The following ZNF121 variants were observed in gnomAD, a reference collection of about 807,000 sequenced individuals.
The protein encoded by ZNF121 is zinc finger protein 121.
Under a neutral mutation model 2.4 loss-of-function variants are expected in ZNF121, and 1 was observed. The observed-to-expected ratio is 0.41, with a 90% CI of 0.15 to 1.94. ZNF121 has a LOEUF of 1.94. Among genes scored for constraint, ZNF121 ranks in the 30% most tolerant of loss-of-function variants. The probability of loss-of-function intolerance (pLI) is 0.30; values close to 1 mark genes in which losing one functional copy is unlikely to be tolerated. For synonymous variants in ZNF121, 173 were observed against 158.6 expected, an observed-to-expected ratio of 1.09 and a Z score of -0.68; for missense variants, 369 against 466.3, an observed-to-expected ratio of 0.79 and a Z score of 1.92.
chr19:9,576,990 A>T (rs1203319020), intron 1 of ZNF121, among the ~76,000 whole-genome samples: 4 of 152,226 alleles, frequency 2.6e-5, no homozygotes, highest in African/African-American at 9.6e-5. Context: ...AAGCCCAGAA[A>T]CTGATGGCTT....
intron 1 of ZNF121, among the ~76,000 whole-genome samples, chr19:9,582,238 T>A (rs2074252852): frequency 6.6e-6 from 1 of 152,174 alleles, no homozygotes; most frequent in South Asian, 2.1e-4. Flanking sequence ...GCCATCAGAC[T>A]CCCTGTGACC....
intron 1 of ZNF121, among the ~76,000 whole-genome samples, chr19:9,579,075 C>T (rs951413238): frequency 6.6e-5 from 10 of 150,504 alleles, no homozygotes; most frequent in Admixed American, 1.3e-4. Flanking sequence ...AACAGGTATA[C>T]GGAAAAAATG....
At chr19:9,576,521 C>T (rs1425235684) in intron 1 of ZNF121, among the ~76,000 whole-genome samples, 1 of 151,964 alleles carries the variant, frequency 6.6e-6, no homozygotes, top group African/African-American at 2.4e-5. Flanking sequence ...TAAACACGTA[C>T]ATACAAAAAG....
chr19:9,566,454 C>G lies in ZNF121; in HGVS notation c.659G>C (p.Arg220Pro). ...ATAGGGCTTCTCTCCAGTGTGTATTCGTACATGTTTAGTAAGGCCTGAGCG... is the reference window on the plus strand; with the variant it reads ...ATAGGGCTTCTCTCCAGTGTGTATTGGTACATGTTTAGTAAGGCCTGAGCG... The part of the protein sequence containing the change: ...AGRSGLTKHV[R>P]IHTGEKPYEC... The change falls in exon 4 of 4, where the codon CGA becomes CCA. Residue 220 changes from arginine to proline, a missense_variant. Arg to Pro is a moderately radical substitution (Grantham distance 103). Around this residue, in one of 4 missense-constraint regions of ZNF121, gnomAD observed 68 missense variants for 105.5 expected, o/e 0.64. Transcript: ENST00000320451. The G allele has an allele frequency of 6.2e-7, 1 of 1,613,920 alleles. No individual in the cohort carries two copies. Among genetic ancestry groups the G allele is most frequent in the Non-Finnish European group, 8.5e-7 (1 of 1,179,950 alleles).
At chr19:9,572,107 G>A (rs769899682) in intron 1 of ZNF121, among the ~76,000 whole-genome samples, 19 of 152,038 alleles carry the variant, frequency 1.2e-4, no homozygotes, top group African/African-American at 2.2e-4. Context: ...CAGCATTTAC[G>A]GTTCCAAAAT....
chr19:9,575,622 A>G lies in ZNF121; in HGVS notation c.-159-6540T>C, dbSNP rs377367937. Among the ~76,000 whole-genome samples the G allele has an allele frequency of 1.7e-3, 252 of 152,026 alleles. 2 individuals are homozygous for G. The highest frequency in any genetic ancestry group is 5.8e-3 in the African/African-American group (242 of 41,460). On this transcript the variant is annotated intron_variant, in intron 1 of 3. Coordinates refer to ENST00000320451, the MANE Select transcript of ZNF121 (RefSeq NM_001008727.5). ...GCCGGGTGTGGTGGTGTGTGCCTGT[A>G]ATACCAGCTACTCACGAGGCTGAGG...
intron 3 of ZNF121, 147 bp downstream of exon 3, chr19:9,567,945 AAAC>A: frequency 1.2e-6 from 1 of 827,748 alleles, no homozygotes; most frequent in Non-Finnish European, 1.8e-6. Flanking sequence ...ACACTAACAG[AAAC>A]AGTACCAGTG....
intron 2 of ZNF121, 74 bp from the exon 3 acceptor site, chr19:9,568,249 A>T: frequency 3.1e-6 from 2 of 641,314 alleles, no homozygotes; most frequent in Non-Finnish European, 5.0e-6. Flanking sequence ...AGTCAGAATT[A>T]TAAAGCTCAT....
chr19:9,567,712 G>A (rs967075512), intron 3 of ZNF121: 2 of 290,964 alleles, frequency 6.9e-6, no homozygotes, highest in Non-Finnish European at 1.4e-5. Context: ...CCATCTAGGT[G>A]ATGGGAGACA....
At chr19:9,580,117 C>T (rs1350002206) in intron 1 of ZNF121, among the ~76,000 whole-genome samples, 2 of 151,880 alleles carry the variant, frequency 1.3e-5, no homozygotes, top group Admixed American at 1.3e-4. Flanking sequence ...ACGGTGAAAC[C>T]TCGTCAATAC....
In ZNF121 at chr19:9,566,446, T is replaced by C; in HGVS notation, c.667A>G (p.Thr223Ala). 6.2e-7 allele frequency: 1 copy of C among 1,614,038 alleles called. No homozygotes were observed. The highest frequency in any genetic ancestry group is 1.1e-5 in the South Asian group (1 of 91,062). The change falls in exon 4 of 4, where the codon ACT becomes GCT. Residue 223 changes from threonine (T) to alanine (A), a missense_variant. Coordinates refer to ENST00000320451, the MANE Select transcript of ZNF121 (RefSeq NM_001008727.5). Reference sequence around the variant, plus strand: ...TTACATTCATAGGGCTTCTCTCCAGTGTGTATTCGTACATGTTTAGTAAGG... The same window carrying C: ...TTACATTCATAGGGCTTCTCTCCAGCGTGTATTCGTACATGTTTAGTAAGG... The part of the protein sequence containing the change: ...SGLTKHVRIH[T>A]GEKPYECNEC...
At chr19:9,571,764 T>G (rs1191290249) in intron 1 of ZNF121, among the ~76,000 whole-genome samples, 1 of 152,150 alleles carries the variant, frequency 6.6e-6, no homozygotes, top group African/African-American at 2.4e-5. Context: ...TTTTTAAAAA[T>G]TAGAGACAGG....
chr19:9,580,881 G>T (rs2074244147), intron 1 of ZNF121, among the ~76,000 whole-genome samples: 1 of 152,140 alleles, frequency 6.6e-6, no homozygotes, highest in Non-Finnish European at 1.5e-5. Context: ...GTTGTGGTTT[G>T]CCACTACCAT....
At chr19:9,582,895 A>C (rs906557299) in intron 1 of ZNF121, among the ~76,000 whole-genome samples, 1 of 48,562 alleles carries the variant, frequency 2.1e-5, no homozygotes. Flanking sequence ...TTATTACACT[A>C]ATACTAGAAT....
rs565053688 is a variant in ZNF121 at position 9,583,829 on chromosome 19, G to C, written c.-160+632C>G. On this transcript the variant is annotated intron_variant, in intron 1 of 3. Transcript: ENST00000320451. ...CTGCCTTTCTTTTGTAGAAAGGCTT[G>C]TAGCTGGTAACAACAAAAAACATTA... Among the ~76,000 whole-genome samples the C allele has an allele frequency of 2.6e-5, 4 of 152,272 alleles. No individual in the cohort carries two copies. The South Asian group carries it at 8.3e-4, about 32-fold the overall frequency.
At chr19:9,575,638 G>A (rs1019443413) in intron 1 of ZNF121, among the ~76,000 whole-genome samples, 23 of 151,870 alleles carry the variant, frequency 1.5e-4, no homozygotes, top group African/African-American at 4.8e-4. Flanking sequence ...AGCTACTCAC[G>A]AGGCTGAGGC....
rs1054193780 is a variant in ZNF121 at position 9,572,038 on chromosome 19, C to T, written c.-159-2956G>A. 3.3e-5 allele frequency among the ~76,000 whole-genome samples: 5 copies of T among 152,282 alleles called. No homozygotes were observed. In the East Asian group the frequency reaches 7.7e-4, roughly 23 times the overall value. ...CGTCAGCCTCCCAGTGTTAGGATTA[C>T]GGGCATGAATCATTGTGCCCTGCCT... On this transcript the variant is annotated intron_variant, in intron 1 of 3. Coordinates refer to ENST00000320451, the MANE Select transcript of ZNF121 (RefSeq NM_001008727.5).
chr19:9,578,887 A>G (rs2074229790), intron 1 of ZNF121, among the ~76,000 whole-genome samples: 1 of 149,598 alleles, frequency 6.7e-6, no homozygotes, highest in Non-Finnish European at 1.5e-5. Flanking sequence ...AACAAACTGA[A>G]GAGACAATCT....
chr19:9,566,519 T>C lies in ZNF121; in HGVS notation c.594A>G (p.Lys198=), dbSNP rs776863544. The change falls in exon 4 of 4, where the codon AAA becomes AAG. Residue 198 remains lysine, a synonymous_variant. Transcript: ENST00000320451. ...VEHVRIHTGE[K]PYQCKECGRA... ...TTCCACATTCCTTACATTGATAAGG[T>C]TTCTCTCCAGTATGAATTCTTACAT... The C allele has an allele frequency of 1.2e-6, 2 of 1,614,164 alleles. No homozygotes were observed. The highest frequency in any genetic ancestry group is 1.7e-6 in the Non-Finnish European group (2 of 1,180,022).
Sources: allele counts gnomAD v4.1 joint callset (sites outside exome capture counted in the v4.1 genomes callset), GRCh38; gene constraint gnomAD v4.1.1; regional missense constraint gnomAD v4.1.1; transcripts MANE v1.5; gene names NCBI Gene and HGNC (gene_info 2026-07-23, HGNC 2026-07-21).